Variants in SLC4A2 observed in about 807,000 individuals in gnomAD.
SLC4A2 encodes solute carrier family 4 member 2.
A neutral mutation model predicts 115.0 loss-of-function variants in SLC4A2; 36 were observed. The observed-to-expected ratio is 0.31, with a 90% CI of 0.24 to 0.41. The LOEUF is 0.41. SLC4A2 is among the 10% of genes least tolerant of loss of function. The probability of loss-of-function intolerance (pLI) is 1.00; values close to 1 mark genes in which losing one functional copy is unlikely to be tolerated. For missense variants in SLC4A2, 1,252 were observed against 1,705.6 expected, an observed-to-expected ratio of 0.73 and a Z score of 4.68; for synonymous variants, 708 against 708.3, an observed-to-expected ratio of 1.00 and a Z score of 0.01.
chr7:151,075,187 TGGAA>T, intron 19 of SLC4A2, 64 bp from the exon 20 acceptor site: 1 of 1,596,468 alleles, frequency 6.3e-7, no homozygotes, highest in Non-Finnish European at 8.5e-7. Context: ...CTGGGCATTC[TGGAA>T]AGACCCTGTG....
chr7:151,062,761 G>A, intron 2 of SLC4A2: 4 of 1,385,030 alleles, frequency 2.9e-6, no homozygotes, highest in South Asian at 1.6e-5. Flanking sequence ...TGGGAGTGGG[G>A]CTGGGCGCTT....
intron 16 of SLC4A2, 119 bp from the exon 17 acceptor site, chr7:151,073,920 G>A: frequency 9.2e-7 from 1 of 1,082,464 alleles, no homozygotes; most frequent in Non-Finnish European, 1.3e-6. Context: ...AACAAGACAA[G>A]CTCCTTGAAA....
rs763466340 is a variant in SLC4A2, at chr7:151,071,241, A to G, written c.1919A>G (p.Gln640Arg). 1.3e-5 allele frequency: 21 copies of G among 1,576,644 alleles called. No homozygotes were observed. Among genetic ancestry groups the G allele is most frequent in the Non-Finnish European group, 1.8e-5 (21 of 1,161,978 alleles). ...QRQMLKKREE[Q>R]GRLLPTGAGL... Reference sequence around the variant, plus strand: ...CAGATGCTCAAGAAGCGAGAGGAGCAGGGCCGGCTGCTACCTACAGGGGCT... The same window carrying G: ...CAGATGCTCAAGAAGCGAGAGGAGCGGGGCCGGCTGCTACCTACAGGGGCT... The change falls in exon 13 of 23, where the codon CAG (glutamine) becomes CGG (arginine). Residue 640 changes from glutamine (Q) to arginine (R), a missense_variant. Physicochemically the swap from Gln to Arg is conservative, Grantham distance 43 (BLOSUM62 1). Coordinates refer to ENST00000413384, the MANE Select transcript of SLC4A2 (RefSeq NM_003040.4). The surrounding 1 kb of genome is among the most constrained non-coding windows in gnomAD (Gnocchi z 5.5).
intron 5 of SLC4A2, among the ~76,000 whole-genome samples, chr7:151,066,311 A>C (rs1202506279): frequency 6.6e-6 from 1 of 152,246 alleles, no homozygotes; most frequent in Non-Finnish European, 1.5e-5. Flanking sequence ...GGGGCTGCAC[A>C]GCCAGAAAAG....
intron 5 of SLC4A2, among the ~76,000 whole-genome samples, chr7:151,065,892 G>T (rs1797212471): frequency 6.6e-6 from 1 of 152,102 alleles, no homozygotes; most frequent in African/African-American, 2.4e-5. Context: ...GAGAGAGAGG[G>T]GTAGGACCAC....
At chr7:151,068,569 G>A (rs1273061899) in intron 8 of SLC4A2, among the ~76,000 whole-genome samples, 1 of 152,070 alleles carries the variant, frequency 6.6e-6, no homozygotes, top group Non-Finnish European at 1.5e-5. Flanking sequence ...GCCCAGGCTG[G>A]AGTACAGTGG....
At chr7:151,070,938 T>TCCTAGGCCCTGG in intron 12 of SLC4A2, 27 bp downstream of exon 12, 1 of 1,607,360 alleles carries the variant, frequency 6.2e-7, no homozygotes, top group Non-Finnish European at 8.5e-7. Flanking sequence ...CTCTGGGCCC[T>TCCTAGGCCCTGG]GCTTCCTGGA....
rs374798576 is a variant in SLC4A2 at position 151,070,748 on chromosome 7, G to A, written c.1586G>A (p.Arg529His). ...CTAGGCTGCGTGGAGTTCCTCTCCCGCCCCACCATGGCCTTTGTGCGGCTC... is the reference window on the plus strand; with the variant it reads ...CTAGGCTGCGTGGAGTTCCTCTCCCACCCCACCATGGCCTTTGTGCGGCTC... ...VLVGCVEFLS[R>H]PTMAFVRLRE... Residue 529 changes from arginine to histidine, a missense_variant, in exon 12 of 23, where the codon CGC becomes CAC. By Grantham distance (29) the Arg-to-His change is conservative. Coordinates refer to ENST00000413384, the MANE Select transcript of SLC4A2 (RefSeq NM_003040.4). 44 of 1,613,438 alleles carry A rather than the reference G, an allele frequency of 2.7e-5. No individual in the cohort carries two copies. The highest frequency in any genetic ancestry group is 1.7e-4 in the Middle Eastern group (1 of 5,976).
At position 151,070,204 on chromosome 7, in the gene SLC4A2, T is replaced by C; in HGVS notation, c.1307T>C (p.Phe436Ser). 3.7e-6 allele frequency: 6 copies of C among 1,614,104 alleles called. No individual in the cohort carries two copies. The highest frequency in any genetic ancestry group is 5.1e-6 in the Non-Finnish European group (6 of 1,180,024). Residue 436 changes from phenylalanine (F) to serine (S), a missense_variant, in exon 10 of 23, where the codon TTC (phenylalanine) becomes TCC (serine). Physicochemically the swap from Phe to Ser is radical, Grantham distance 155 (BLOSUM62 -2). This residue lies in a region of SLC4A2 where 142 missense variants were observed against 153.5 expected (regional missense o/e 0.93). Coordinates refer to ENST00000413384, the MANE Select transcript of SLC4A2 (RefSeq NM_003040.4). ...KHSHPSDEKD[F>S]SFPRNISAGS... ...AGCCACCCAAGTGATGAGAAGGACT[T>C]CTCCTTCCCCCGCAACATCTCAGCT...
At chr7:151,075,932 T>TC in intron 21 of SLC4A2, 81 bp from the exon 22 acceptor site, 1 of 1,486,424 alleles carries the variant, frequency 6.7e-7, no homozygotes, top group African/African-American at 1.4e-5. Flanking sequence ...TGTTCTTCCA[T>TC]CCCCGCCTCC....
In SLC4A2 at chr7:151,067,869, C is replaced by T. The variant is rs769264375; in HGVS notation, c.967-5C>T. 3.7e-6 allele frequency: 6 copies of T among 1,611,854 alleles called. No homozygotes were observed. The highest frequency in any genetic ancestry group is 3.4e-5 in the Admixed American group (2 of 59,632). On this transcript the variant is annotated splice_region_variant and splice_polypyrimidine_tract_variant and intron_variant, in intron 7 of 22. Coordinates refer to ENST00000413384, the MANE Select transcript of SLC4A2 (RefSeq NM_003040.4). Reference sequence around the variant, plus strand: ...CCCTGAAATGCCTTCTCTTCTCTCCCCAAGGTGTTTGTGGAGCTGAATGAG... The same window carrying T: ...CCCTGAAATGCCTTCTCTTCTCTCCTCAAGGTGTTTGTGGAGCTGAATGAG...
At position 151,076,523 on chromosome 7, in the gene SLC4A2, A is replaced by C. The variant is rs1585004179; in HGVS notation, c.*156A>C. The C allele has an allele frequency of 5.6e-6, 4 of 713,892 alleles. No homozygotes were observed. In the East Asian group the frequency reaches 1.2e-4, roughly 21 times the overall value. The allele number at this position is 713,892 out of a possible 1,614,324, so 44.2% of individuals were successfully genotyped here. On this transcript the variant is annotated 3_prime_UTR_variant, in exon 23 of 23. Coordinates refer to ENST00000413384, the MANE Select transcript of SLC4A2 (RefSeq NM_003040.4). The stretch of plus-strand genomic sequence containing the variant: ...CCTGCAGTAAAGTGCTTTGGCCCCC[A>C]CCTATCTGTGGCCTTTTGTCTTTGT...
chr7:151,073,650 T>C (rs1797518022), intron 16 of SLC4A2, among the ~76,000 whole-genome samples: 1 of 152,326 alleles, frequency 6.6e-6, no homozygotes, highest in African/African-American at 2.4e-5. Flanking sequence ...TACATGCTTT[T>C]GTTAAAATGT....
At position 151,074,435 on chromosome 7, in the gene SLC4A2, G is replaced by A. The variant is rs1797547544; in HGVS notation, c.2827G>A (p.Ala943Thr). 4.3e-6 allele frequency: 7 copies of A among 1,613,982 alleles called. No homozygotes were observed. The highest frequency in any genetic ancestry group is 2.7e-5 in the African/African-American group (2 of 75,022). Residue 943 changes from alanine (A) to threonine (T), a missense_variant, in exon 18 of 23, where the codon GCC becomes ACC. Ala to Thr is a moderately conservative substitution (Grantham distance 58). Transcript: ENST00000413384. ...RVIGDFGVPI[A>T]ILIMVLVDYS... ...GATTGGGGACTTTGGGGTGCCCATC[G>A]CCATCCTCATCATGGTGCTTGTGGA... is the stretch of plus-strand genomic sequence containing the variant.
rs767146803 is a variant in SLC4A2 at position 151,062,034 on chromosome 7, G to T, written c.47G>T (p.Cys16Phe). ...RRPAKGADSF[C>F]TPEPESLGPG... ...CCCGCCAAGGGCGCAGATTCTTTCT[G>T]TACGGTGAGTGTGGCCCCCAGGTCG... The change falls in exon 2 of 23, where the codon TGT becomes TTT. Residue 16 changes from cysteine (C) to phenylalanine (F), a missense_variant. Cys to Phe is a radical substitution (Grantham distance 205). Transcript: ENST00000413384. 4 of 1,610,434 alleles carry T rather than the reference G, an allele frequency of 2.5e-6. No homozygotes were observed. Among genetic ancestry groups the T allele is most frequent in the Non-Finnish European group, 3.4e-6 (4 of 1,179,552 alleles).
chr7:151,059,396 A>C (rs1796972237), upstream of SLC4A2, among the ~76,000 whole-genome samples: 1 of 152,112 alleles, frequency 6.6e-6, no homozygotes, highest in Non-Finnish European at 1.5e-5. The surrounding 1 kb of genome is among the most constrained non-coding windows in gnomAD (Gnocchi z 5.8). Context: ...CTTTACACTC[A>C]GAGGTGCCGT....
chr7:151,069,712 A>G (rs2303933), intron 8 of SLC4A2, among the ~76,000 whole-genome samples: 90,395 of 151,668 alleles, frequency 0.6, 27,208 homozygotes, highest in East Asian at 0.72. Context: ...GAGGTTCAGT[A>G]GTCTCTGTGG....
At chr7:151,076,223 C>A (rs757566028) in intron 22 of SLC4A2, 37 bp downstream of exon 22, 6 of 1,607,614 alleles carry the variant, frequency 3.7e-6, no homozygotes. Flanking sequence ...GTTCCTCTTG[C>A]CTCCCTGTGG....
At chr7:151,062,499 A>C in intron 2 of SLC4A2, 1 of 1,155,016 alleles carries the variant, frequency 8.7e-7, no homozygotes, top group East Asian at 4.7e-5. Context: ...CCCCCTTTGG[A>C]TTTTCCTAAG....
Sources: gnomAD v4.1 joint callset for allele counts (sites outside exome capture counted in the v4.1 genomes callset) on GRCh38, gnomAD v4.1.1 for gene constraint, gnomAD v4.1.1 regional missense constraint, Gnocchi (gnomAD v3.1) non-coding constraint, MANE v1.5 for transcripts, NCBI Gene and HGNC (gene_info 2026-07-23, HGNC 2026-07-21) for gene names.